Variants in SIPA1L2 observed in about 807,000 individuals in gnomAD.
SIPA1L2 encodes the protein signal-induced proliferation-associated 1-like protein 2.
Under a neutral mutation model 163.9 loss-of-function variants are expected in SIPA1L2, and 56 were observed. The observed-to-expected ratio is 0.34, with a 90% CI of 0.28 to 0.43. The LOEUF (loss-of-function observed/expected upper bound fraction) is 0.43, where lower values mean the gene tolerates loss of function less well. Ranked by LOEUF, SIPA1L2 falls within the 20% of genes least tolerant of loss-of-function variation. The pLI is 1.00. For synonymous variants in SIPA1L2, 877 were observed against 865.7 expected, an observed-to-expected ratio of 1.01 and a Z score of -0.23; for missense variants, 1,974 against 2,193.5, an observed-to-expected ratio of 0.90 and a Z score of 2.00.
At chr1:232,513,527 A>G (rs1213941410) in intron 3 of SIPA1L2, among the ~76,000 whole-genome samples, 2 of 152,368 alleles carry the variant, frequency 1.3e-5, no homozygotes, top group South Asian at 4.1e-4. Context: ...AGAATTAATC[A>G]GGGAAGACTT....
At chr1:232,580,422 T>C (rs1299479853) in intron 1 of SIPA1L2, among the ~76,000 whole-genome samples, 1 of 152,206 alleles carries the variant, frequency 6.6e-6, no homozygotes, top group Non-Finnish European at 1.5e-5. Flanking sequence ...TGACTAAGAA[T>C]GTCTAACCTC....
intron 2 of SIPA1L2, among the ~76,000 whole-genome samples, chr1:232,565,441 G>A (rs1659345239): frequency 6.6e-6 from 1 of 152,200 alleles, no homozygotes; most frequent in African/African-American, 2.4e-5. Flanking sequence ...ACTATTGACT[G>A]TGAGACCTGG....
Position 232,403,489 on chromosome 1 carries a change from A to C in SIPA1L2, c.4899T>G (p.Cys1633Trp), listed in dbSNP as rs752786058. 1.9e-6 allele frequency: 3 copies of C among 1,614,072 alleles called. No homozygotes were observed. ...DLEGAQELPL[C>W]VDPGSGKEFM... is the part of the protein sequence containing the mutation. ...ACTCTTTGCCACTGCCTGGATCTAC[A>C]CATAAGGGCAGCTCTTGGGCCCCTT... is the stretch of plus-strand genomic sequence containing the variant. The change falls in exon 21 of 23, where the codon TGT becomes TGG. Residue 1633 changes from cysteine to tryptophan, a missense_variant. Cys to Trp is a radical substitution (Grantham distance 215, BLOSUM62 -2). This residue lies in a region of SIPA1L2 where 1,079 missense variants were observed against 1,150.7 expected (regional missense o/e 0.94). Transcript: ENST00000674635.
intron 9 of SIPA1L2, among the ~76,000 whole-genome samples, chr1:232,463,786 C>G (rs901827936): frequency 1.3e-5 from 2 of 152,156 alleles, no homozygotes; most frequent in East Asian, 1.9e-4. Flanking sequence ...TACTTAATCA[C>G]CCCAAACTCT....
intron 16 of SIPA1L2, among the ~76,000 whole-genome samples, chr1:232,431,804 C>T (rs937933584): frequency 1.3e-5 from 2 of 152,214 alleles, no homozygotes; most frequent in South Asian, 2.1e-4. Flanking sequence ...ACCACGCCCC[C>T]CTCAACCTCA....
intron 2 of SIPA1L2, among the ~76,000 whole-genome samples, chr1:232,548,520 T>C (rs1658182937): frequency 1.3e-5 from 2 of 152,252 alleles, no homozygotes; most frequent in South Asian, 2.1e-4. Flanking sequence ...CAAACAATGG[T>C]AAGTTCAATA....
intron 1 of SIPA1L2, among the ~76,000 whole-genome samples, chr1:232,622,960 G>A (rs2102892430): frequency 6.6e-6 from 1 of 152,288 alleles, no homozygotes; most frequent in African/African-American, 2.4e-5. Context: ...CCTATTATGT[G>A]GCAAAAACCA....
At chr1:232,432,508 T>G (rs777825390) in intron 15 of SIPA1L2, 37 bp from the exon 16 acceptor site, 3 of 1,580,204 alleles carry the variant, frequency 1.9e-6, no homozygotes, top group Non-Finnish European at 2.6e-6. Context: ...CAATACAATC[T>G]GATTTCAGCA....
chr1:232,462,195 A>G, intron 9 of SIPA1L2: 1 of 1,548,132 alleles, frequency 6.5e-7, no homozygotes, highest in Non-Finnish European at 8.7e-7. Flanking sequence ...GCACTCACCG[A>G]GCATAGTTTA....
At position 232,439,241 on chromosome 1, in the gene SIPA1L2, C is replaced by T. The variant is rs761675126; in HGVS notation, c.3898G>A (p.Ala1300Thr). 1.8e-5 allele frequency: 29 copies of T among 1,614,014 alleles called. No individual in the cohort carries two copies. The South Asian group carries it at 2.9e-4, about 16-fold the overall frequency. The change falls in exon 15 of 23, where the codon GCT becomes ACT. Residue 1300 changes from alanine to threonine, a missense_variant. Coordinates refer to ENST00000674635, the MANE Select transcript of SIPA1L2 (RefSeq NM_020808.5). ...TCGTCAGGCCCAGAGACGTCGGCAGCATCAGCCCACTGCTCGGCCCGGCTG... is the reference window on the plus strand; with the variant it reads ...TCGTCAGGCCCAGAGACGTCGGCAGTATCAGCCCACTGCTCGGCCCGGCTG... ...IHSRAEQWAD[A>T]ADVSGPDDEP... is the part of the protein sequence containing the mutation.
At chr1:232,626,591 A>T (rs1382491694) in intron 1 of SIPA1L2, among the ~76,000 whole-genome samples, 1 of 152,192 alleles carries the variant, frequency 6.6e-6, no homozygotes, top group Admixed American at 6.5e-5. Context: ...TTCCTACCAC[A>T]TTGTTACCAC....
chr1:232,402,375 C>G lies in SIPA1L2; in HGVS notation c.5022+17G>C. 1.2e-6 allele frequency: 2 copies of G among 1,608,110 alleles called. No homozygotes were observed. Among genetic ancestry groups the G allele is most frequent in the Non-Finnish European group, 1.7e-6 (2 of 1,175,924 alleles). Reference sequence around the variant, plus strand: ...TATAAGAGAAACAGTTCTGATTATGCTCTTCCAATTGATTACCTTCCGAAG... The same window carrying G: ...TATAAGAGAAACAGTTCTGATTATGGTCTTCCAATTGATTACCTTCCGAAG... On this transcript the variant is annotated intron_variant, in intron 22 of 22. Transcript: ENST00000674635.
chr1:232,545,374 T>A (rs937563463), intron 2 of SIPA1L2, among the ~76,000 whole-genome samples: 1 of 152,204 alleles, frequency 6.6e-6, no homozygotes, highest in Non-Finnish European at 1.5e-5. Context: ...ACTTGACTCA[T>A]GTATCTATGA....
rs530158431 is a variant in SIPA1L2, at chr1:232,445,709, G to T, written c.3173C>A (p.Thr1058Asn). 2.0e-5 allele frequency: 33 copies of T among 1,613,716 alleles called. No individual in the cohort carries two copies. In the South Asian group the frequency reaches 3.1e-4, roughly 15 times the overall value. Residue 1058 changes from threonine to asparagine, a missense_variant, in exon 11 of 23, where the codon ACC (threonine) becomes AAC (asparagine). Physicochemically the swap from Thr to Asn is moderately conservative, Grantham distance 65 (BLOSUM62 0). Transcript: ENST00000674635. ...DSEGTPCEYKTPFRRNTTWHR... is the reference protein window; with the variant it reads ...DSEGTPCEYKNPFRRNTTWHR... ...CCACGTGGTGTTCCTCCTGAAGGGG[G>T]TTTTATACTCGCAGGGGGTGCCCTC...
intron 2 of SIPA1L2, among the ~76,000 whole-genome samples, chr1:232,550,434 C>T (rs931708874): frequency 6.6e-6 from 1 of 152,198 alleles, no homozygotes; most frequent in South Asian, 2.1e-4. Flanking sequence ...GGATTGCCAA[C>T]CACAAGAGTC....
chr1:232,612,566 G>A (rs570047056), intron 1 of SIPA1L2, among the ~76,000 whole-genome samples: 1 of 152,318 alleles, frequency 6.6e-6, no homozygotes, highest in Admixed American at 6.5e-5. Flanking sequence ...ACATTTGACT[G>A]CCCCGCTGAA....
chr1:232,597,713 A>G (rs12141544), intron 1 of SIPA1L2, among the ~76,000 whole-genome samples: 59,350 of 134,116 alleles, frequency 0.44, 14,312 homozygotes, highest in East Asian at 0.57. Flanking sequence ...AAAAAAAAAA[A>G]AAGTAACAAG....
At position 232,465,435 on chromosome 1, in the gene SIPA1L2, A is replaced by G; in HGVS notation, c.2244-19T>C. On this transcript the variant is annotated intron_variant, in intron 8 of 22. Coordinates refer to ENST00000674635, the MANE Select transcript of SIPA1L2 (RefSeq NM_020808.5). The surrounding 1 kb of genome is among the most constrained non-coding windows in gnomAD (Gnocchi z 4.1). Reference sequence around the variant, plus strand: ...TCCAACACTGAGGAAGTAAAAACAGAAACAAAATGAGATGAGCTATGATAC... The same window carrying G: ...TCCAACACTGAGGAAGTAAAAACAGGAACAAAATGAGATGAGCTATGATAC... The G allele has an allele frequency of 1.3e-6, 2 of 1,580,206 alleles. No homozygotes were observed. Among genetic ancestry groups the G allele is most frequent in the Non-Finnish European group, 1.7e-6 (2 of 1,162,350 alleles).
intron 2 of SIPA1L2, among the ~76,000 whole-genome samples, chr1:232,559,578 C>T (rs982478238): frequency 6.6e-6 from 1 of 152,168 alleles, no homozygotes; most frequent in African/African-American, 2.4e-5. Flanking sequence ...AATGTATATG[C>T]AGTATATCAA....
Sources: gnomAD v4.1 joint callset for allele counts (sites outside exome capture counted in the v4.1 genomes callset) on GRCh38, gnomAD v4.1.1 for gene constraint, gnomAD v4.1.1 regional missense constraint, Gnocchi (gnomAD v3.1) non-coding constraint, MANE v1.5 for transcripts, NCBI Gene and HGNC (gene_info 2026-07-23, HGNC 2026-07-21) for gene names.